The following NDUFAF6 variants were observed in gnomAD, a reference collection of about 807,000 sequenced individuals.
The protein encoded by NDUFAF6 is NADH dehydrogenase (ubiquinone) complex I, assembly factor 6.
In NDUFAF6, 45 loss-of-function variants were observed where a neutral mutation model predicts 40.8. The observed-to-expected ratio is 1.10, with a 90% CI of 0.87 to 1.42. The LOEUF is 1.42. Ranked by LOEUF, NDUFAF6 falls within the 40% of genes most tolerant of loss-of-function variation. The pLI, the probability that NDUFAF6 is intolerant of heterozygous loss-of-function variation, is 0.00. For synonymous variants in NDUFAF6, 185 were observed against 155.9 expected (o/e 1.19, Z -1.39); for missense variants, 435 against 418.5 (o/e 1.04, Z -0.34).
intron 1 of NDUFAF6, among the ~76,000 whole-genome samples, chr8:94,969,820 T>G (rs746283499): frequency 6.6e-6 from 1 of 152,006 alleles, no homozygotes; most frequent in African/African-American, 2.4e-5. Flanking sequence ...AAAAAACTCA[T>G]GCAAATTGAT....
upstream of NDUFAF6, among the ~76,000 whole-genome samples, chr8:95,095,646 T>C (rs1809435060): frequency 2.0e-5 from 3 of 148,258 alleles, no homozygotes; most frequent in South Asian, 6.7e-4. Context: ...TTTTCTTGTG[T>C]CTAAAAAAGA....
At chr8:95,016,441 A>G (rs1462220322) in intron 2 of NDUFAF6, among the ~76,000 whole-genome samples, 1 of 152,200 alleles carries the variant, frequency 6.6e-6, no homozygotes, top group Admixed American at 6.5e-5. Flanking sequence ...ACTACTGGTG[A>G]GCAGTTAAAA....
chr8:95,114,688 T>A (rs547908230), intron 4 of NDUFAF6, among the ~76,000 whole-genome samples: 3 of 152,212 alleles, frequency 2.0e-5, no homozygotes, highest in African/African-American at 7.2e-5. Flanking sequence ...ACCCGGTATA[T>A]ACAGGTGATA....
At chr8:94,977,743 C>T (rs1825090354) in intron 1 of NDUFAF6, among the ~76,000 whole-genome samples, 1 of 152,080 alleles carries the variant, frequency 6.6e-6, no homozygotes, top group Non-Finnish European at 1.5e-5. Flanking sequence ...CCTTTGGCTT[C>T]AGACTGAGGG....
At chr8:95,070,504 TCAAA>T (rs1165041384) in intron 9 of NDUFAF6, among the ~76,000 whole-genome samples, 1 of 152,222 alleles carries the variant, frequency 6.6e-6, no homozygotes, top group African/African-American at 2.4e-5. Flanking sequence ...TTTCAGGTTA[TCAAA>T]CAAATTTAAG....
At chr8:95,036,498 A>C in intron 3 of NDUFAF6, 1 of 1,289,198 alleles carries the variant, frequency 7.8e-7, no homozygotes, top group Non-Finnish European at 1.0e-6. Flanking sequence ...GGAAGCTGTG[A>C]GTATTAGATT....
chr8:94,948,392 C>T (rs973601853), intron 2 of NDUFAF6, among the ~76,000 whole-genome samples: 3 of 152,206 alleles, frequency 2.0e-5, no homozygotes, highest in African/African-American at 7.2e-5. Context: ...GTATATGGCA[C>T]ATACTCAGCG....
upstream of NDUFAF6, among the ~76,000 whole-genome samples, chr8:94,953,044 TTA>T (rs544582123): frequency 2.4e-4 from 36 of 152,288 alleles, no homozygotes; most frequent in East Asian, 6.9e-3. Context: ...ACCCAATTAT[TTA>T]TGTTAAAACT....
chr8:94,896,408 G>C (rs1370554925), intron 1 of NDUFAF6: 1 of 152,012 alleles, frequency 6.6e-6, no homozygotes, highest in Non-Finnish European at 1.5e-5. Flanking sequence ...TTAAACTTAG[G>C]GGTCCCTTCG....
intron 1 of NDUFAF6, chr8:94,939,986 G>C: frequency 1.2e-6 from 2 of 1,614,186 alleles, no homozygotes; most frequent in Non-Finnish European, 1.7e-6. Flanking sequence ...CATAGGACTT[G>C]TTTCCACCTT....
At chr8:94,989,701 A>G (rs1360546011) in intron 2 of NDUFAF6, among the ~76,000 whole-genome samples, 1 of 152,196 alleles carries the variant, frequency 6.6e-6, no homozygotes, top group South Asian at 2.1e-4. Flanking sequence ...ACTTTTGGGG[A>G]TTATACCTGT....
rs916870372 is a variant in NDUFAF6 at position 95,019,306 on chromosome 8, C to T, written c.-83-12689C>T. Among the ~76,000 whole-genome samples, 3 of 152,022 alleles carry T rather than the reference C, an allele frequency of 2.0e-5. 1 individual carries two copies. In the South Asian group the frequency reaches 6.2e-4, roughly 32 times the overall value. ...ATTACAGGCGTGAGCCACTGCACCC[C>T]GCCTCATCTCTAATATATACACAAA... On this transcript the variant is annotated intron_variant, in intron 2 of 9. Transcript: ENST00000396111.
At chr8:95,017,915 C>G (rs1361422809) in intron 2 of NDUFAF6, among the ~76,000 whole-genome samples, 1 of 152,210 alleles carries the variant, frequency 6.6e-6, no homozygotes, top group East Asian at 1.9e-4. Context: ...CTGCTATCAC[C>G]TCCACTGCTC....
downstream of NDUFAF6, among the ~76,000 whole-genome samples, chr8:95,108,128 T>C (rs925719732): frequency 1.3e-5 from 2 of 152,102 alleles, no homozygotes; most frequent in African/African-American, 4.8e-5. Flanking sequence ...GGATGTAAAA[T>C]GGACAGCTGC....
exon 10 of NDUFAF6, chr8:95,075,867 C>CAA (rs1833008063): frequency 4.8e-6 from 2 of 420,474 alleles, no homozygotes; most frequent in Non-Finnish European, 8.9e-6. Context: ...GAATCTTTGA[C>CAA]AAACACAGGT....
At chr8:94,896,004 A>G (rs987056481) in intron 1 of NDUFAF6, 3 of 150,714 alleles carry the variant, frequency 2.0e-5, no homozygotes, top group African/African-American at 7.3e-5. Context: ...CGCTCCCCCA[A>G]CCCGCCGCTC....
intron 1 of NDUFAF6, among the ~76,000 whole-genome samples, chr8:94,974,220 GT>G (rs573760921): frequency 7.1e-5 from 10 of 140,400 alleles, no homozygotes; most frequent in South Asian, 2.5e-4. Flanking sequence ...AGCCAAATCT[GT>G]TTTTTTTTTA....
Position 95,035,439 on chromosome 8 carries a change from A to G in NDUFAF6, c.298-15A>G. ...AGACAATGCATTTGCTAAAGTTTTTAAACCCTGTTTATAGGTTAAAGACTC... is the reference window on the plus strand; with the variant it reads ...AGACAATGCATTTGCTAAAGTTTTTGAACCCTGTTTATAGGTTAAAGACTC... On this transcript the variant is annotated splice_polypyrimidine_tract_variant and intron_variant, in intron 2 of 8. Transcript: ENST00000396124. 1 of 1,613,466 alleles carries G rather than the reference A, an allele frequency of 6.2e-7. No homozygotes were observed. The highest frequency in any genetic ancestry group is 8.5e-7 in the Non-Finnish European group (1 of 1,179,676).
intron 2 of NDUFAF6, among the ~76,000 whole-genome samples, chr8:94,952,856 G>A (rs1822738848): frequency 6.6e-6 from 1 of 152,192 alleles, no homozygotes; most frequent in Admixed American, 6.5e-5. Context: ...TGAGGCAGCA[G>A]AAAGGAAAAA....
Sources: allele counts gnomAD v4.1 joint callset (sites outside exome capture counted in the v4.1 genomes callset), GRCh38; gene constraint gnomAD v4.1.1; transcripts MANE v1.5; gene names NCBI Gene and HGNC (gene_info 2026-07-23, HGNC 2026-07-21).